Variants in RNF214 observed in about 807,000 individuals in gnomAD.
RNF214 encodes the protein ring finger protein 214.
RNF214 carries 25 observed loss-of-function variants against 75.9 expected under a neutral mutation model. The observed-to-expected ratio is 0.33, with a 90% CI of 0.24 to 0.46. RNF214 has a LOEUF of 0.46. RNF214 is among the 20% of genes least tolerant of loss of function. RNF214 has a pLI of 1.00. For missense variants in RNF214, 725 were observed against 857.5 expected (o/e 0.85, Z 1.93); for synonymous variants, 314 against 308.8 (o/e 1.02, Z -0.18).
chr11:117,281,229 C>A (rs543833255), intron 8 of RNF214, 85 bp from the exon 9 acceptor site: 34 of 918,314 alleles, frequency 3.7e-5, no homozygotes, highest in Non-Finnish European at 5.8e-5. Context: ...CCGCCTTGGC[C>A]TCTTGTGCTG....
intron 6 of RNF214, among the ~76,000 whole-genome samples, chr11:117,259,966 A>G (rs1233678517): frequency 6.6e-6 from 1 of 151,980 alleles, no homozygotes; most frequent in Non-Finnish European, 1.5e-5. Flanking sequence ...GTCTCCTCTA[A>G]GTTACCTTTG....
chr11:117,250,606 T>TTTA lies in RNF214; in HGVS notation c.959+3661_959+3663dup, dbSNP rs749604870. Among the ~76,000 whole-genome samples, 9 of 10,150 alleles carry TTTA rather than the reference T, an allele frequency of 8.9e-4. No homozygotes were observed. In the South Asian group the frequency reaches 0.047, roughly 53 times the overall value. The allele number at this position is 10,150 out of a possible 152,430, so 6.7% of individuals were successfully genotyped here. A position where few individuals can be genotyped will look rare whatever the true frequency, so the allele number is the denominator to read the frequency against. ...TTTATTATTTTTATTTATTTATTTA[T>TTTA]TTATTTTTTTTTTAATTTTTTTTTT... is the stretch of plus-strand genomic sequence containing the variant. On this transcript the variant is annotated intron_variant, in intron 6 of 14. Coordinates refer to ENST00000300650, the MANE Select transcript of RNF214 (RefSeq NM_207343.4).
chr11:117,239,480 G>A (rs1194983653), intron 3 of RNF214: 2 of 458,120 alleles, frequency 4.4e-6, no homozygotes, highest in African/African-American at 3.9e-5. Context: ...AGTGTATCCT[G>A]CCTTCTAGTG....
intron 14 of RNF214, among the ~76,000 whole-genome samples, chr11:117,284,237 G>C (rs2034195073): frequency 6.6e-6 from 1 of 152,216 alleles, no homozygotes; most frequent in Non-Finnish European, 1.5e-5. Context: ...TCCATTAACA[G>C]AACAGCTTGG....
chr11:117,278,553 A>G (rs140272757), intron 6 of RNF214, among the ~76,000 whole-genome samples: 59 of 152,242 alleles, frequency 3.9e-4, no homozygotes, highest in Non-Finnish European at 6.6e-4. Context: ...TTTAGCACTG[A>G]AAGTCATCCA....
chr11:117,268,392 T>G lies in RNF214; in HGVS notation c.960-11516T>G, dbSNP rs573557209. On this transcript the variant is annotated intron_variant, in intron 6 of 14. Coordinates refer to ENST00000300650, the MANE Select transcript of RNF214 (RefSeq NM_207343.4). The stretch of plus-strand genomic sequence containing the variant: ...GATTTGTGTGACTATTTTTGGCCTT[T>G]AGAAAGATTTACGTATATTTGAAAA... 1.9e-4 allele frequency among the ~76,000 whole-genome samples: 29 copies of G among 152,326 alleles called. No homozygotes were observed. The South Asian group carries it at 3.5e-3, about 19-fold the overall frequency.
In RNF214 at chr11:117,238,956, C is replaced by A. The variant is rs758291355; in HGVS notation, c.463C>A (p.Pro155Thr). The A allele has an allele frequency of 1.2e-6, 2 of 1,614,170 alleles. No homozygotes were observed. The highest frequency in any genetic ancestry group is 1.7e-6 in the Non-Finnish European group (2 of 1,180,046). ...ASRNCSEEKS[P>T]QTSILKEGNR... ...CAGGAATTGCTCTGAAGAGAAATCCCCACAAACCTCCATCCTAAAGGAAGG... is the reference window on the plus strand; with the variant it reads ...CAGGAATTGCTCTGAAGAGAAATCCACACAAACCTCCATCCTAAAGGAAGG... Residue 155 changes from proline (P) to threonine (T), a missense_variant, in exon 3 of 15, where the codon CCA becomes ACA. Physicochemically the swap from Pro to Thr is conservative, Grantham distance 38. Transcript: ENST00000300650.
intron 6 of RNF214, among the ~76,000 whole-genome samples, chr11:117,257,718 GAGAA>G (rs1228153085): frequency 2.6e-5 from 4 of 152,128 alleles, no homozygotes; most frequent in Non-Finnish European, 1.5e-5. Flanking sequence ...AGAATAATGA[GAGAA>G]AGAAAGGGAA....
rs2034129400 is a variant in RNF214, at chr11:117,281,645, C to T, written c.1282C>T (p.Leu428=). 1 of 1,613,700 alleles carries T rather than the reference C, an allele frequency of 6.2e-7. No homozygotes were observed. Among genetic ancestry groups the T allele is most frequent in the Non-Finnish European group, 8.5e-7 (1 of 1,179,814 alleles). The change falls in exon 10 of 15, where the codon CTG becomes TTG. Residue 428 remains leucine (L), a synonymous_variant. Transcript: ENST00000300650. The part of the protein sequence containing the change: ...HIQLVRNGAK[L]SSLPQIPTPT... Reference sequence around the variant, plus strand: ...CCAGTTAGTGAGGAACGGAGCCAAGCTGAGCAGCCTTCCTCAAATCCCTAC... The same window carrying T: ...CCAGTTAGTGAGGAACGGAGCCAAGTTGAGCAGCCTTCCTCAAATCCCTAC...
chr11:117,244,346 T>C (rs980902504), intron 4 of RNF214, 99 bp from the exon 5 acceptor site: 2 of 880,910 alleles, frequency 2.3e-6, no homozygotes, highest in Admixed American at 2.6e-5. Context: ...TATTGGATAG[T>C]GCGGTCATAG....
chr11:117,242,898 C>T (rs1348816902), intron 4 of RNF214, among the ~76,000 whole-genome samples: 1 of 152,116 alleles, frequency 6.6e-6, no homozygotes, highest in Non-Finnish European at 1.5e-5. Context: ...TGGTTAAGAT[C>T]CTCTTTCAGA....
chr11:117,251,779 G>T (rs763732976), intron 6 of RNF214, among the ~76,000 whole-genome samples: 2 of 152,202 alleles, frequency 1.3e-5, no homozygotes, highest in African/African-American at 2.4e-5. Context: ...CTGTGTTAAG[G>T]AGTTTGGGTT....
chr11:117,233,320 T>G (rs924550841), intron 1 of RNF214, among the ~76,000 whole-genome samples: 13 of 152,138 alleles, frequency 8.5e-5, no homozygotes, highest in African/African-American at 1.7e-4. Context: ...TCCCAGGAGC[T>G]TTGTATAATG....
intron 14 of RNF214, among the ~76,000 whole-genome samples, chr11:117,283,639 G>C (rs1342691028): frequency 6.6e-6 from 1 of 151,982 alleles, no homozygotes; most frequent in Non-Finnish European, 1.5e-5. Flanking sequence ...GAGTACAGGC[G>C]TGAGCCACCG....
At chr11:117,254,260 A>G (rs2033468634) in intron 6 of RNF214, among the ~76,000 whole-genome samples, 1 of 152,132 alleles carries the variant, frequency 6.6e-6, no homozygotes, top group South Asian at 2.1e-4. Context: ...AAGAAAAAAA[A>G]AAACAAAGTG....
At chr11:117,265,845 G>A (rs1011188477) in intron 6 of RNF214, among the ~76,000 whole-genome samples, 2 of 152,110 alleles carry the variant, frequency 1.3e-5, no homozygotes, top group African/African-American at 4.8e-5. Flanking sequence ...CACAATCAAG[G>A]TATAGCACAT....
At chr11:117,281,447 T>C (rs1315902937) in intron 9 of RNF214, 43 bp downstream of exon 9, 1 of 1,483,382 alleles carries the variant, frequency 6.7e-7, no homozygotes, top group African/African-American at 1.4e-5. Context: ...TGTTAGTCTG[T>C]GCTTAACACT....
intron 6 of RNF214, among the ~76,000 whole-genome samples, chr11:117,263,440 T>A (rs1055375340): frequency 2.0e-5 from 3 of 152,014 alleles, no homozygotes; most frequent in African/African-American, 4.8e-5. Flanking sequence ...CATGCCCGGC[T>A]AATTTTTGTA....
intron 6 of RNF214, among the ~76,000 whole-genome samples, chr11:117,263,603 G>A (rs978114385): frequency 7.2e-5 from 11 of 152,276 alleles, no homozygotes; most frequent in South Asian, 2.1e-4. Context: ...GTGTGCATGC[G>A]TGCATACGTA....
Sources: allele counts gnomAD v4.1 joint callset (sites outside exome capture counted in the v4.1 genomes callset), GRCh38; gene constraint gnomAD v4.1.1; transcripts MANE v1.5; gene names NCBI Gene and HGNC (gene_info 2026-07-23, HGNC 2026-07-21).